Variants in CYRIA observed in about 807,000 individuals in gnomAD.
CYRIA encodes CYFIP related Rac1 interactor A.
A neutral mutation model predicts 43.9 loss-of-function variants in CYRIA; 15 were observed. The ratio of observed to expected loss-of-function variants is 0.34; its 90% CI spans 0.23 to 0.53. The LOEUF is 0.53. CYRIA is among the 20% of genes least tolerant of loss of function. The pLI is 0.94. For missense variants in CYRIA, 236 were observed against 394.2 expected, an observed-to-expected ratio of 0.60 and a Z score of 3.40; for synonymous variants, 117 against 136.0, an observed-to-expected ratio of 0.86 and a Z score of 0.97.
intron 2 of CYRIA, among the ~76,000 whole-genome samples, chr2:16,614,213 C>T (rs566401174): frequency 3.5e-4 from 53 of 152,266 alleles, no homozygotes; most frequent in African/African-American, 9.1e-4. Flanking sequence ...TCTGTACCCC[C>T]GAGCCTGCTT....
At chr2:16,559,141 A>C (rs1301942362) in intron 10 of CYRIA, among the ~76,000 whole-genome samples, 1 of 152,190 alleles carries the variant, frequency 6.6e-6, no homozygotes, top group Admixed American at 6.5e-5. Flanking sequence ...CATAGAATAG[A>C]AACCATCTAT....
intron 5 of CYRIA, among the ~76,000 whole-genome samples, chr2:16,563,337 A>G (rs898054592): frequency 2.0e-5 from 3 of 152,070 alleles, no homozygotes; most frequent in Non-Finnish European, 2.9e-5. Context: ...TACTCCCCCA[A>G]GGTATTTCAA....
At chr2:16,588,857 G>A (rs549961709) in intron 2 of CYRIA, among the ~76,000 whole-genome samples, 4 of 152,052 alleles carry the variant, frequency 2.6e-5, no homozygotes, top group Non-Finnish European at 2.9e-5. Flanking sequence ...AAGGCATAAT[G>A]CCCAAAAAGT....
intron 9 of CYRIA, chr2:16,560,673 G>A (rs1253332229): frequency 1.1e-5 from 4 of 371,314 alleles, no homozygotes; most frequent in Admixed American, 3.9e-5. Flanking sequence ...TTATCATGAT[G>A]TCCCATCATT....
intron 10 of CYRIA, 49 bp downstream of exon 10, chr2:16,559,411 A>G (rs750093843): frequency 1.3e-6 from 2 of 1,591,394 alleles, no homozygotes; most frequent in Admixed American, 1.7e-5. Context: ...AAGGTCTGGC[A>G]ACATTCATGG....
At chr2:16,559,341 G>T in intron 10 of CYRIA, 119 bp downstream of exon 10, 1 of 1,212,352 alleles carries the variant, frequency 8.2e-7, no homozygotes, top group Non-Finnish European at 1.1e-6. Flanking sequence ...AGGATGGGCT[G>T]TGCATCTTAG....
intron 3 of CYRIA, among the ~76,000 whole-genome samples, chr2:16,574,944 G>C (rs1037311928): frequency 1.3e-5 from 2 of 152,182 alleles, no homozygotes; most frequent in Non-Finnish European, 2.9e-5. Context: ...CCAGACCCCA[G>C]AATGGTAGAT....
chr2:16,577,584 G>A (rs1338704549), intron 3 of CYRIA, among the ~76,000 whole-genome samples: 1 of 152,092 alleles, frequency 6.6e-6, no homozygotes, highest in East Asian at 1.9e-4. Flanking sequence ...ACAGAGAAAT[G>A]GTAAAAGGAG....
intron 2 of CYRIA, among the ~76,000 whole-genome samples, chr2:16,590,181 C>T (rs73918384): frequency 0.12 from 17,645 of 152,048 alleles, 1,091 homozygotes; most frequent in Middle Eastern, 0.16. Flanking sequence ...TGCCTTTATG[C>T]CCATTTCCTT....
chr2:16,574,610 G>A (rs558255808), intron 3 of CYRIA, among the ~76,000 whole-genome samples: 26 of 152,334 alleles, frequency 1.7e-4, no homozygotes, highest in Middle Eastern at 3.4e-3. Flanking sequence ...CTGCATCCCA[G>A]TTTCTCTAGC....
intron 1 of CYRIA, among the ~76,000 whole-genome samples, 193 bp downstream of exon 1, chr2:16,665,587 G>C (rs1670370112): frequency 6.6e-6 from 1 of 151,940 alleles, no homozygotes; most frequent in African/African-American, 2.4e-5. Context: ...GCGATCGCTA[G>C]AGAAGGGCTC....
Position 16,616,512 on chromosome 2 carries a change from G to C in CYRIA, c.-11+7352C>G, listed in dbSNP as rs1447074384. 2.6e-5 allele frequency among the ~76,000 whole-genome samples: 4 copies of C among 152,174 alleles called. 1 individual carries two copies. The highest frequency in any genetic ancestry group is 9.7e-5 in the African/African-American group (4 of 41,450). On this transcript the variant is annotated intron_variant, in intron 2 of 11. Coordinates refer to ENST00000381323, the MANE Select transcript of CYRIA (RefSeq NM_030797.4). ...CGCTCAGAGGACCTTCCTGCCTCTG[G>C]AATCCTAAGACCTTTCCTTGGTTGT...
intron 4 of CYRIA, among the ~76,000 whole-genome samples, chr2:16,565,094 T>G: frequency 6.6e-6 from 1 of 152,188 alleles, no homozygotes; most frequent in East Asian, 1.9e-4. Context: ...ACTTGTGTGT[T>G]TGAGAAGAGA....
intron 2 of CYRIA, among the ~76,000 whole-genome samples, chr2:16,615,507 C>T (rs1056035439): frequency 2.0e-5 from 3 of 152,190 alleles, no homozygotes; most frequent in Admixed American, 2.0e-4. Context: ...GCTTCACATA[C>T]AATATCTCAG....
chr2:16,612,067 C>A (rs1389149735), intron 2 of CYRIA, among the ~76,000 whole-genome samples: 4 of 152,120 alleles, frequency 2.6e-5, no homozygotes, highest in African/African-American at 7.2e-5. Flanking sequence ...CCTGGTCACT[C>A]CTGCTTACCT....
At chr2:16,607,777 A>G (rs562814240) in intron 2 of CYRIA, among the ~76,000 whole-genome samples, 62 of 152,082 alleles carry the variant, frequency 4.1e-4, no homozygotes, top group African/African-American at 1.4e-3. Flanking sequence ...TCGTATTTTT[A>G]GTAGAGACAG....
intron 3 of CYRIA, 151 bp from the exon 4 acceptor site, chr2:16,565,918 A>T: frequency 2.9e-6 from 2 of 684,092 alleles, no homozygotes; most frequent in Non-Finnish European, 4.2e-6. Context: ...CTAGGATGCT[A>T]GGAAGGGAAA....
intron 2 of CYRIA, among the ~76,000 whole-genome samples, chr2:16,614,289 T>A (rs935540339): frequency 6.6e-6 from 1 of 152,124 alleles, no homozygotes; most frequent in East Asian, 1.9e-4. Context: ...CTGCAGGAAA[T>A]CTGCAATCCA....
rs931691726 is a variant in CYRIA, at chr2:16,601,208, T to G, written c.-10-13079A>C. On this transcript the variant is annotated intron_variant, in intron 2 of 11. Transcript: ENST00000381323. ...AAGGAAAAGAGAAAATTATGTGGGGTGAAGTCTTCTGGAAGAGTTTGCTCG... is the reference window on the plus strand; with the variant it reads ...AAGGAAAAGAGAAAATTATGTGGGGGGAAGTCTTCTGGAAGAGTTTGCTCG... Among the ~76,000 whole-genome samples the G allele has an allele frequency of 7.2e-5, 11 of 152,128 alleles. No individual in the cohort carries two copies. In the South Asian group the frequency reaches 2.3e-3, roughly 32 times the overall value.
Sources: gnomAD v4.1 joint callset for allele counts (sites outside exome capture counted in the v4.1 genomes callset) on GRCh38, gnomAD v4.1.1 for gene constraint, MANE v1.5 for transcripts, NCBI Gene and HGNC (gene_info 2026-07-23, HGNC 2026-07-21) for gene names.